The following LIMCH1 variants were observed in gnomAD, a reference collection of about 807,000 sequenced individuals.
The protein encoded by LIMCH1 is LIM and calponin homology domains-containing protein 1.
Under a neutral mutation model 176.5 loss-of-function variants are expected in LIMCH1, and 113 were observed. The observed-to-expected ratio is 0.64, with a 90% CI of 0.55 to 0.75. The LOEUF (loss-of-function observed/expected upper bound fraction) is 0.75, where lower values mean the gene tolerates loss of function less well. LIMCH1 is among the 30% of genes least tolerant of loss of function. The pLI is 0.00. For synonymous variants in LIMCH1, 619 were observed against 645.9 expected, an observed-to-expected ratio of 0.96 and a Z score of 0.63; for missense variants, 1,674 against 1,814.9, an observed-to-expected ratio of 0.92 and a Z score of 1.41.
At chr4:41,419,676 C>CCTTT (rs2060395251) in intron 1 of LIMCH1, among the ~76,000 whole-genome samples, 1 of 72,916 alleles carries the variant, frequency 1.4e-5, no homozygotes. Context: ...TTCCTTCCTT[C>CCTTT]CTTCCTCCTT....
chr4:41,682,262 C>T (rs891998386), intron 25 of LIMCH1, 71 bp from the exon 26 acceptor site: 3 of 1,144,488 alleles, frequency 2.6e-6, no homozygotes, highest in South Asian at 2.0e-5. Context: ...TCAAATATCC[C>T]TGGCCAGAGA....
intron 5 of LIMCH1, among the ~76,000 whole-genome samples, chr4:41,614,560 A>T (rs767351183): frequency 6.6e-6 from 1 of 152,196 alleles, no homozygotes; most frequent in Non-Finnish European, 1.5e-5. Flanking sequence ...TGAGATCCGA[A>T]TTATCTTTTG....
chr4:41,424,730 G>C (rs2060919433), intron 1 of LIMCH1, among the ~76,000 whole-genome samples: 1 of 152,188 alleles, frequency 6.6e-6, no homozygotes, highest in South Asian at 2.1e-4. Flanking sequence ...TGGGGTTTTG[G>C]AATTGTAGAC....
At chr4:41,576,177 A>C (rs1487495560) in intron 1 of LIMCH1, among the ~76,000 whole-genome samples, 2 of 152,112 alleles carry the variant, frequency 1.3e-5, no homozygotes, top group Admixed American at 6.5e-5. Flanking sequence ...TTGAACTTCT[A>C]TTTGTCCAAA....
chr4:41,564,264 T>G (rs1264708225), intron 1 of LIMCH1, among the ~76,000 whole-genome samples: 2 of 152,132 alleles, frequency 1.3e-5, no homozygotes, highest in Non-Finnish European at 2.9e-5. Flanking sequence ...AGAATTCAGA[T>G]AGCTAAATCC....
intron 1 of LIMCH1, among the ~76,000 whole-genome samples, chr4:41,552,162 T>A (rs1224460912): frequency 6.6e-6 from 1 of 152,144 alleles, no homozygotes; most frequent in East Asian, 1.9e-4. Context: ...GGGAAAGACC[T>A]GCCCCCATTA....
At chr4:41,364,264 A>G (rs1436431803) in intron 1 of LIMCH1, among the ~76,000 whole-genome samples, 1 of 152,180 alleles carries the variant, frequency 6.6e-6, no homozygotes, top group African/African-American at 2.4e-5. Context: ...GTACATAGGA[A>G]GTGCTGTGTA....
intron 1 of LIMCH1, 86 bp from the exon 2 acceptor site, chr4:41,598,834 C>G (rs1278493650): frequency 6.9e-6 from 5 of 728,940 alleles, no homozygotes; most frequent in Non-Finnish European, 9.3e-6. Context: ...CCTTAGTGAC[C>G]AGTATCCCTA....
intron 18 of LIMCH1, 37 bp downstream of exon 18, chr4:41,650,645 A>C: frequency 6.6e-7 from 1 of 1,512,250 alleles, no homozygotes; most frequent in Non-Finnish European, 9.1e-7. Context: ...CCTTTGGGAT[A>C]ATTCCATGGT....
intron 1 of LIMCH1, among the ~76,000 whole-genome samples, chr4:41,539,897 T>C (rs1185033352): frequency 6.6e-6 from 1 of 152,206 alleles, no homozygotes; most frequent in Non-Finnish European, 1.5e-5. Context: ...ACCATGGCTG[T>C]TGGGGGTATT....
chr4:41,629,530 C>T lies in LIMCH1; in HGVS notation c.1067C>T (p.Thr356Ile), dbSNP rs1260543222. 5 of 1,536,032 alleles carry T rather than the reference C, an allele frequency of 3.3e-6. No individual in the cohort carries two copies. The highest frequency in any genetic ancestry group is 1.2e-5 in the South Asian group (1 of 84,056). The change falls in exon 9 of 32, where the codon ACC (threonine) becomes ATC (isoleucine). Residue 356 changes from threonine (T) to isoleucine (I), a missense_variant. Physicochemically the swap from Thr to Ile is moderately conservative, Grantham distance 89. This residue lies in a region of LIMCH1 where 655 missense variants were observed against 692.2 expected (regional missense o/e 0.95). Coordinates refer to ENST00000503057, the MANE Select transcript of LIMCH1 (RefSeq NM_001330672.2). ...GHTEEVKLIV[T>I]CNMRAQESEP... ...ACAGAAGAGGTGAAGTTGATAGTGA[C>T]CTGTAACATGAGGGCTCAGGAAAGT...
chr4:41,454,129 C>G (rs4861111), intron 1 of LIMCH1, among the ~76,000 whole-genome samples: 22,303 of 152,072 alleles, frequency 0.15, 1,824 homozygotes, highest in Admixed American at 0.22. Context: ...TCACCACATT[C>G]TCTCCCGTAA....
At chr4:41,405,674 C>T (rs1166452586) in intron 1 of LIMCH1, among the ~76,000 whole-genome samples, 3 of 152,070 alleles carry the variant, frequency 2.0e-5, no homozygotes, top group African/African-American at 7.2e-5. Flanking sequence ...TCAATAAAAG[C>T]TTGTTAAATA....
intron 1 of LIMCH1, among the ~76,000 whole-genome samples, chr4:41,571,813 G>T (rs1037855043): frequency 6.6e-6 from 1 of 152,158 alleles, no homozygotes; most frequent in Non-Finnish European, 1.5e-5. Context: ...GGAAGGGGAA[G>T]TAGATGGCTT....
At chr4:41,616,239 G>C (rs2092055655) in intron 5 of LIMCH1, among the ~76,000 whole-genome samples, 1 of 151,894 alleles carries the variant, frequency 6.6e-6, no homozygotes, top group Non-Finnish European at 1.5e-5. Flanking sequence ...AAGGGTTGGG[G>C]GTGTGTACGG....
rs922275375 is a variant in LIMCH1, at chr4:41,699,220, G to A, written c.*2035G>A. Reference sequence around the variant, plus strand: ...TTACATGTGCAACTCCATCCGTTATGTAAGGATTACATGAATATTGCACAT... The same window carrying A: ...TTACATGTGCAACTCCATCCGTTATATAAGGATTACATGAATATTGCACAT... On this transcript the variant is annotated 3_prime_UTR_variant, in exon 32 of 32. Coordinates refer to ENST00000503057, the MANE Select transcript of LIMCH1 (RefSeq NM_001330672.2). The A allele has an allele frequency of 2.0e-5, 3 of 152,100 alleles. No homozygotes were observed. The highest frequency in any genetic ancestry group is 7.2e-5 in the African/African-American group (3 of 41,416). 9.4% of individuals were successfully genotyped at this position (152,100 alleles called of 1,614,324 possible). A position where few individuals can be genotyped will look rare whatever the true frequency, so the allele number is the denominator to read the frequency against.
At chr4:41,536,758 G>A (rs2077994737), upstream of LIMCH1, among the ~76,000 whole-genome samples, 1 of 152,084 alleles carries the variant, frequency 6.6e-6, no homozygotes, top group Admixed American at 6.5e-5. Context: ...GCATATCTGA[G>A]AAACAAGGAA....
intron 1 of LIMCH1, among the ~76,000 whole-genome samples, chr4:41,555,681 T>C (rs1292011204): frequency 1.3e-5 from 2 of 152,288 alleles, no homozygotes; most frequent in African/African-American, 4.8e-5. Context: ...TTTTCTTATA[T>C]GGTTAGAAAG....
At chr4:41,670,845 G>A (rs1158491980) in intron 21 of LIMCH1, 5 of 1,531,944 alleles carry the variant, frequency 3.3e-6, no homozygotes, top group East Asian at 4.9e-5. Flanking sequence ...TCCATGTTGG[G>A]GCGATCAATG....
Sources: gnomAD v4.1 joint callset for allele counts (sites outside exome capture counted in the v4.1 genomes callset) on GRCh38, gnomAD v4.1.1 for gene constraint, gnomAD v4.1.1 regional missense constraint, MANE v1.5 for transcripts, NCBI Gene and HGNC (gene_info 2026-07-23, HGNC 2026-07-21) for gene names.